RIMS1: variants seen among roughly 807,000 people sequenced by gnomAD.
RIMS1 encodes regulating synaptic membrane exocytosis protein 1.
RIMS1 carries 83 observed loss-of-function variants against 214.1 expected under a neutral mutation model. The ratio of observed to expected loss-of-function variants is 0.39; its 90% CI spans 0.32 to 0.47. The LOEUF (loss-of-function observed/expected upper bound fraction) is 0.47, where lower values mean the gene tolerates loss of function less well. Ranked by LOEUF, RIMS1 falls within the 20% of genes least tolerant of loss-of-function variation. The probability of loss-of-function intolerance (pLI) is 0.99; values close to 1 mark genes in which losing one functional copy is unlikely to be tolerated. For synonymous variants in RIMS1, 793 were observed against 786.8 expected, an observed-to-expected ratio of 1.01 and a Z score of -0.13; for missense variants, 2,050 against 2,161.8, an observed-to-expected ratio of 0.95 and a Z score of 1.03.
intron 2 of RIMS1, among the ~76,000 whole-genome samples, chr6:72,072,885 G>A (rs1454158241): frequency 6.6e-6 from 1 of 152,122 alleles, no homozygotes; most frequent in African/African-American, 2.4e-5. Context: ...GAATTGTTCT[G>A]TCTCCTTGGG....
chr6:72,087,947 C>T (rs183232060), intron 2 of RIMS1, among the ~76,000 whole-genome samples: 74 of 152,258 alleles, frequency 4.9e-4, no homozygotes, highest in Non-Finnish European at 7.8e-4. Flanking sequence ...AGATGTCTAT[C>T]GTGCTGGCTA....
chr6:72,143,935 A>C (rs1454118875), intron 4 of RIMS1, among the ~76,000 whole-genome samples: 4 of 152,202 alleles, frequency 2.6e-5, no homozygotes, highest in Non-Finnish European at 5.9e-5. Context: ...GGAATTGGTG[A>C]GTAAAAGGAC....
intron 29 of RIMS1, among the ~76,000 whole-genome samples, chr6:72,362,021 G>GTATTA (rs2097847717): frequency 6.8e-6 from 1 of 148,002 alleles, no homozygotes; most frequent in Non-Finnish European, 1.5e-5. Context: ...GTATTGTATT[G>GTATTA]TAATTTTTTC....
Position 72,179,932 on chromosome 6 carries a change from C to T in RIMS1, c.812+17C>T. 1 of 1,408,638 alleles carries T rather than the reference C, an allele frequency of 7.1e-7. No homozygotes were observed. The highest frequency in any genetic ancestry group is 2.7e-5 in the Admixed American group (1 of 37,250). The allele number at this position is 1,408,638 out of a possible 1,614,324, so 87.3% of individuals were successfully genotyped here. A position where few individuals can be genotyped will look rare whatever the true frequency, so the allele number is the denominator to read the frequency against. ...TAGAGAGAGGTAATAGTTCTTTCAC[C>T]CTGTAAGCAAAAGGCAAGATTTTGC... is the stretch of plus-strand genomic sequence containing the variant. On this transcript the variant is annotated intron_variant, in intron 5 of 33. Transcript: ENST00000521978.
At chr6:72,228,348 C>G (rs796996306) in intron 6 of RIMS1, among the ~76,000 whole-genome samples, 7 of 151,914 alleles carry the variant, frequency 4.6e-5, no homozygotes, top group African/African-American at 1.7e-4. Context: ...CCACTCTATT[C>G]TCTGTTTCCA....
At chr6:72,326,262 G>A (rs1053012160) in intron 28 of RIMS1, among the ~76,000 whole-genome samples, 1 of 151,656 alleles carries the variant, frequency 6.6e-6, no homozygotes, top group African/African-American at 2.4e-5. Flanking sequence ...ATAGCCCCTC[G>A]TGTCTTCTGA....
chr6:72,199,824 T>A (rs181485982), intron 6 of RIMS1, among the ~76,000 whole-genome samples: 35 of 152,186 alleles, frequency 2.3e-4, no homozygotes, highest in Non-Finnish European at 4.4e-5. Flanking sequence ...TAGAAACCAG[T>A]AGATAATATT....
intron 1 of RIMS1, among the ~76,000 whole-genome samples, chr6:71,916,042 T>C (rs1277199490): frequency 6.6e-6 from 1 of 152,044 alleles, no homozygotes; most frequent in East Asian, 1.9e-4. Context: ...CACATAGGAA[T>C]TGTGGGAGCT....
At chr6:71,963,581 T>G (rs1793580662) in intron 1 of RIMS1, among the ~76,000 whole-genome samples, 1 of 152,184 alleles carries the variant, frequency 6.6e-6, no homozygotes, top group Non-Finnish European at 1.5e-5. Context: ...AAATAGTATT[T>G]CACTGGTTCA....
chr6:72,175,403 T>A (rs1485435360), intron 4 of RIMS1: 3 of 417,648 alleles, frequency 7.2e-6, no homozygotes, highest in Non-Finnish European at 9.6e-6. Context: ...TTGGGTGCAG[T>A]GGCTCACGCC....
intron 23 of RIMS1, among the ~76,000 whole-genome samples, chr6:72,276,453 G>T (rs993909289): frequency 1.3e-5 from 2 of 151,912 alleles, no homozygotes; most frequent in African/African-American, 4.8e-5. Context: ...GCTTAATTTA[G>T]TGGTATATGA....
intron 6 of RIMS1, among the ~76,000 whole-genome samples, chr6:72,210,613 C>T (rs1486274039): frequency 6.6e-6 from 1 of 152,146 alleles, no homozygotes; most frequent in Admixed American, 6.5e-5. Flanking sequence ...AGAACACAGC[C>T]TTGAACCAGA....
chr6:72,043,637 AT>A (rs577207187), intron 2 of RIMS1, among the ~76,000 whole-genome samples: 28 of 137,432 alleles, frequency 2.0e-4, no homozygotes, highest in African/African-American at 6.3e-4. Flanking sequence ...ATTGTCAAAT[AT>A]AATCTGATGT....
At chr6:71,925,545 T>C (rs762550502) in intron 1 of RIMS1, among the ~76,000 whole-genome samples, 28 of 152,350 alleles carry the variant, frequency 1.8e-4, no homozygotes, top group African/African-American at 5.0e-4. Context: ...AGACAATTGG[T>C]GTTCTACTAA....
intron 2 of RIMS1, among the ~76,000 whole-genome samples, chr6:72,061,325 G>A (rs1361129897): frequency 6.6e-6 from 1 of 152,194 alleles, no homozygotes; most frequent in Non-Finnish European, 1.5e-5. Context: ...AGGATTAAAT[G>A]TGAAGCTTAA....
chr6:72,063,433 C>G (rs1460197150), intron 2 of RIMS1, among the ~76,000 whole-genome samples: 1 of 152,156 alleles, frequency 6.6e-6, no homozygotes, highest in African/African-American at 2.4e-5. Flanking sequence ...GCAAACAACC[C>G]AAACTGTACT....
chr6:72,345,405 C>A (rs896613084), intron 29 of RIMS1, among the ~76,000 whole-genome samples: 2 of 151,444 alleles, frequency 1.3e-5, no homozygotes, highest in Non-Finnish European at 3.0e-5. Flanking sequence ...ACATGCCAAC[C>A]AGTGTTTTAA....
intron 4 of RIMS1, among the ~76,000 whole-genome samples, chr6:72,130,629 T>C (rs1011371651): frequency 2.0e-5 from 3 of 152,180 alleles, no homozygotes; most frequent in Non-Finnish European, 4.4e-5. Flanking sequence ...AGTCCTTTTA[T>C]TGTTTTAGTT....
intron 27 of RIMS1, among the ~76,000 whole-genome samples, chr6:72,311,501 G>T (rs972415163): frequency 6.6e-6 from 1 of 152,056 alleles, no homozygotes; most frequent in Non-Finnish European, 1.5e-5. Context: ...GATCAAACAT[G>T]AAATCATATA....
Sources: gnomAD v4.1 joint callset for allele counts (sites outside exome capture counted in the v4.1 genomes callset) on GRCh38, gnomAD v4.1.1 for gene constraint, MANE v1.5 for transcripts, NCBI Gene and HGNC (gene_info 2026-07-23, HGNC 2026-07-21) for gene names.